CAMK2D: variants seen among roughly 807,000 people sequenced by gnomAD.
CAMK2D encodes the protein calcium/calmodulin dependent protein kinase II delta.
A neutral mutation model predicts 84.0 loss-of-function variants in CAMK2D; 37 were observed. That is an observed-to-expected ratio of 0.44 (90% CI 0.34 to 0.58). The LOEUF (loss-of-function observed/expected upper bound fraction) is 0.58. CAMK2D is among the 20% of genes least tolerant of loss of function. The pLI, the probability that CAMK2D is intolerant of heterozygous loss-of-function variation, is 0.02. For missense variants in CAMK2D, 448 were observed against 652.5 expected, an observed-to-expected ratio of 0.69 and a Z score of 3.41; for synonymous variants, 202 against 212.5, an observed-to-expected ratio of 0.95 and a Z score of 0.43.
Position 113,609,204 on chromosome 4 carries a change from G to A in CAMK2D, c.223C>T (p.Arg75Ter), listed in dbSNP as rs778447492. Reference sequence around the variant, plus strand: ...TCTTCTGATATGCTATCATGAAGTCGCACTAGAAAAAAATAAGAGAAGAAA... The same window carrying A: ...TCTTCTGATATGCTATCATGAAGTCACACTAGAAAAAAATAAGAGAAGAAA... Reference protein sequence around the residue: ...CRLLKHPNIVRLHDSISEEGF... With the variant: ...CRLLKHPNIV The change falls in exon 4 of 21, where the codon CGA (arginine) becomes TGA (stop). Residue 75 changes from arginine (R) to a stop codon, truncating the protein, a stop_gained and splice_region_variant. Coordinates refer to ENST00000511664, the MANE Select transcript of CAMK2D (RefSeq NM_001321571.2). LOFTEE classifies it high-confidence loss of function. The A allele has an allele frequency of 2.5e-6, 4 of 1,570,034 alleles. No individual in the cohort carries two copies. The highest frequency in any genetic ancestry group is 1.1e-5 in the South Asian group (1 of 90,080).
chr4:113,642,909 G>T (rs2099138093), intron 3 of CAMK2D, among the ~76,000 whole-genome samples: 1 of 151,944 alleles, frequency 6.6e-6, no homozygotes, highest in Non-Finnish European at 1.5e-5. Flanking sequence ...TTTGGGCAGG[G>T]TCAAGTTACA....
intron 2 of CAMK2D, among the ~76,000 whole-genome samples, chr4:113,675,497 C>G (rs1000553657): frequency 6.6e-6 from 1 of 152,080 alleles, no homozygotes; most frequent in Non-Finnish European, 1.5e-5. Context: ...CCTTTCCAGA[C>G]AAGATGTATC....
At chr4:113,549,731 T>C (rs2098609809) in intron 5 of CAMK2D, among the ~76,000 whole-genome samples, 1 of 152,212 alleles carries the variant, frequency 6.6e-6, no homozygotes, top group Non-Finnish European at 1.5e-5. Flanking sequence ...AATAAGGACA[T>C]TTTCAACCAC....
intron 16 of CAMK2D, among the ~76,000 whole-genome samples, chr4:113,500,161 A>G (rs537234798): frequency 4.6e-5 from 7 of 152,258 alleles, no homozygotes; most frequent in African/African-American, 1.4e-4. Context: ...TGACAAATTT[A>G]CAATTTGTTA....
At chr4:113,690,718 C>T (rs2099384747) in intron 2 of CAMK2D, among the ~76,000 whole-genome samples, 1 of 152,118 alleles carries the variant, frequency 6.6e-6, no homozygotes, top group South Asian at 2.1e-4. Flanking sequence ...ATTTCCAGAT[C>T]AGTCCTGGGC....
intron 4 of CAMK2D, among the ~76,000 whole-genome samples, chr4:113,594,287 C>T (rs1239437659): frequency 6.6e-6 from 1 of 152,196 alleles, no homozygotes; most frequent in African/African-American, 2.4e-5. Context: ...ACCTCCAACA[C>T]TGGGGATTAC....
At chr4:113,567,750 C>A (rs544387777) in intron 4 of CAMK2D, among the ~76,000 whole-genome samples, 37 of 152,036 alleles carry the variant, frequency 2.4e-4, no homozygotes, top group Non-Finnish European at 4.9e-4. Context: ...CTTCAGTGTC[C>A]TAATCTATAA....
chr4:113,461,080 TC>T (rs1420947441), intron 17 of CAMK2D, among the ~76,000 whole-genome samples: 1 of 152,168 alleles, frequency 6.6e-6, no homozygotes, highest in African/African-American at 2.4e-5. Flanking sequence ...ACCCTACACT[TC>T]CTGGCAATGT....
At chr4:113,531,485 T>C (rs2098457749) in intron 7 of CAMK2D, among the ~76,000 whole-genome samples, 186 bp from the exon 8 acceptor site, 1 of 152,222 alleles carries the variant, frequency 6.6e-6, no homozygotes, top group South Asian at 2.1e-4. Context: ...TAGTATGCCC[T>C]GCCCTGTAAC....
intron 11 of CAMK2D, 74 bp downstream of exon 11, chr4:113,513,756 T>A: frequency 1.4e-6 from 1 of 704,088 alleles, no homozygotes; most frequent in Non-Finnish European, 2.5e-6. Flanking sequence ...TTGCTAGAAG[T>A]TATTTTCCTC....
intron 3 of CAMK2D, among the ~76,000 whole-genome samples, chr4:113,623,029 T>C (rs2099052790): frequency 6.6e-6 from 1 of 152,176 alleles, no homozygotes; most frequent in African/African-American, 2.4e-5. Context: ...AGAACTTACA[T>C]GGCCCACAAA....
At chr4:113,628,849 TA>T (rs1162581504) in intron 3 of CAMK2D, among the ~76,000 whole-genome samples, 3 of 152,068 alleles carry the variant, frequency 2.0e-5, no homozygotes, top group Non-Finnish European at 4.4e-5. Context: ...GCTTTTGAAC[TA>T]AGTTGAAGGT....
At chr4:113,506,918 C>T (rs1462649475) in intron 13 of CAMK2D, among the ~76,000 whole-genome samples, 1 of 151,268 alleles carries the variant, frequency 6.6e-6, no homozygotes, top group Non-Finnish European at 1.5e-5. Flanking sequence ...CACACCTACA[C>T]ACATTCACAC....
chr4:113,460,884 G>T (rs2097365213), intron 17 of CAMK2D, among the ~76,000 whole-genome samples: 1 of 151,950 alleles, frequency 6.6e-6, no homozygotes, highest in Non-Finnish European at 1.5e-5. Context: ...TAGAGATGGG[G>T]TTTCCTTATG....
intron 16 of CAMK2D, among the ~76,000 whole-genome samples, chr4:113,489,923 G>T: frequency 6.7e-6 from 1 of 148,254 alleles, no homozygotes; most frequent in African/African-American, 2.5e-5. Flanking sequence ...TGTGTTTTTT[G>T]GCTGCATAAA....
At chr4:113,634,227 A>T (rs1202571109) in intron 3 of CAMK2D, among the ~76,000 whole-genome samples, 1 of 152,072 alleles carries the variant, frequency 6.6e-6, no homozygotes, top group Non-Finnish European at 1.5e-5. Flanking sequence ...TTTCATTTAC[A>T]CGTTGTAGGG....
chr4:113,461,306 T>C (rs2097370286), intron 17 of CAMK2D, among the ~76,000 whole-genome samples: 2 of 152,188 alleles, frequency 1.3e-5, no homozygotes, highest in African/African-American at 2.4e-5. Flanking sequence ...ACTTACTATG[T>C]GGCAGATATT....
intron 4 of CAMK2D, among the ~76,000 whole-genome samples, chr4:113,593,012 C>G (rs1020852407): frequency 6.6e-6 from 1 of 152,090 alleles, no homozygotes; most frequent in Admixed American, 6.6e-5. Flanking sequence ...TGCCACCATG[C>G]CTGGCAAATT....
intron 13 of CAMK2D, among the ~76,000 whole-genome samples, chr4:113,506,838 A>G (rs2154156027): frequency 6.6e-6 from 1 of 152,192 alleles, no homozygotes; most frequent in Admixed American, 6.5e-5. Context: ...TTTAGTGAAA[A>G]TGTCCCACTT....
Sources: allele counts gnomAD v4.1 joint callset (sites outside exome capture counted in the v4.1 genomes callset), GRCh38; gene constraint gnomAD v4.1.1; transcripts MANE v1.5; gene names NCBI Gene and HGNC (gene_info 2026-07-23, HGNC 2026-07-21).